NALCN: variants seen among roughly 807,000 people sequenced by gnomAD.
NALCN encodes sodium leak channel, non-selective, also known as sodium leak channel NALCN.
A neutral mutation model predicts 225.3 loss-of-function variants in NALCN; 111 were observed. The observed-to-expected ratio is 0.49, with a 90% CI of 0.42 to 0.58. The LOEUF (loss-of-function observed/expected upper bound fraction) is 0.58, where lower values mean the gene tolerates loss of function less well. Ranked by LOEUF, NALCN falls within the 20% of genes least tolerant of loss-of-function variation. The pLI, the probability that NALCN is intolerant of heterozygous loss-of-function variation, is 0.00. For synonymous variants in NALCN, 764 were observed against 769.0 expected, an observed-to-expected ratio of 0.99 and a Z score of 0.11; for missense variants, 1,378 against 2,202.4, an observed-to-expected ratio of 0.63 and a Z score of 7.49.
Position 101,089,528 on chromosome 13 carries a change from A to G in NALCN, c.3489+135T>C. On this transcript the variant is annotated intron_variant, in intron 30 of 43. Coordinates refer to ENST00000251127, the MANE Select transcript of NALCN (RefSeq NM_052867.4). This position sits in a 1 kb window ranked among gnomAD's most constrained non-coding sequence, Gnocchi z 4.7. ...GCAGCAATGAGGGAGCTTGTAAAAC[A>G]GTTATAGAGATTATTTACACCAGTC... is the stretch of plus-strand genomic sequence containing the variant. The G allele has an allele frequency of 1.4e-6, 1 of 702,600 alleles. No individual in the cohort carries two copies. The highest frequency in any genetic ancestry group is 2.4e-6 in the Non-Finnish European group (1 of 421,506). The allele number at this position is 702,600 out of a possible 1,614,324, so 43.5% of individuals were successfully genotyped here. A position where few individuals can be genotyped will look rare whatever the true frequency, so the allele number is the denominator to read the frequency against.
intron 26 of NALCN, among the ~76,000 whole-genome samples, chr13:101,101,793 G>C (rs1187248173): frequency 6.6e-6 from 1 of 152,092 alleles, no homozygotes; most frequent in African/African-American, 2.4e-5. Flanking sequence ...GCAAAATATG[G>C]AACAAGTGAA....
intron 4 of NALCN, 71 bp from the exon 5 acceptor site, chr13:101,377,127 G>A (rs2046717436): frequency 1.9e-6 from 3 of 1,583,346 alleles, no homozygotes; most frequent in African/African-American, 2.7e-5. Flanking sequence ...GGAACATACA[G>A]ATGTTAGCAG....
intron 15 of NALCN, among the ~76,000 whole-genome samples, chr13:101,154,486 A>T (rs545124012): frequency 6.6e-6 from 1 of 152,330 alleles, no homozygotes; most frequent in East Asian, 1.9e-4. Context: ...AATTAGGCAC[A>T]TCTTCCTCTG....
At chr13:101,328,569 A>G (rs149950513) in intron 7 of NALCN, among the ~76,000 whole-genome samples, 34 of 152,316 alleles carry the variant, frequency 2.2e-4, no homozygotes, top group Non-Finnish European at 4.3e-4. Context: ...TGGAATGAAT[A>G]TAGACATAGG....
chr13:101,071,573 T>G (rs117047998), intron 37 of NALCN, among the ~76,000 whole-genome samples: 2,366 of 152,304 alleles, frequency 0.016, 33 homozygotes, highest in East Asian at 0.065. Flanking sequence ...CTTCATAAAT[T>G]TGAAGAGAGT....
intron 13 of NALCN, among the ~76,000 whole-genome samples, chr13:101,203,614 T>A (rs764062171): frequency 1.2e-4 from 18 of 152,244 alleles, no homozygotes; most frequent in Non-Finnish European, 2.2e-4. Context: ...ATAAACTATT[T>A]TTTAAGGAAT....
At chr13:101,402,882 C>T (rs1416947375) in intron 1 of NALCN, among the ~76,000 whole-genome samples, 4 of 152,162 alleles carry the variant, frequency 2.6e-5, no homozygotes, top group East Asian at 1.9e-4. Context: ...CCATGTGCAG[C>T]GGGAAGGCCC....
rs1594773840 is a variant in NALCN, at chr13:101,389,239, A to G, written c.291+5944T>C. 3.3e-5 allele frequency among the ~76,000 whole-genome samples: 5 copies of G among 152,232 alleles called. No homozygotes were observed. In the South Asian group the frequency reaches 1.0e-3, roughly 32 times the overall value. On this transcript the variant is annotated intron_variant, in intron 3 of 43. Coordinates refer to ENST00000251127, the MANE Select transcript of NALCN (RefSeq NM_052867.4). ...AAACCAGTAGATTTCCAAAACCCCAAAATCACTAATAAATACGTGTGGAAT... is the reference window on the plus strand; with the variant it reads ...AAACCAGTAGATTTCCAAAACCCCAGAATCACTAATAAATACGTGTGGAAT...
At chr13:101,162,274 G>A (rs879903406) in intron 15 of NALCN, among the ~76,000 whole-genome samples, 1 of 152,140 alleles carries the variant, frequency 6.6e-6, no homozygotes, top group African/African-American at 2.4e-5. Context: ...AGACCAGAAG[G>A]CTCCATGGGA....
At chr13:101,339,846 G>A (rs1286152424) in intron 7 of NALCN, among the ~76,000 whole-genome samples, 2 of 152,196 alleles carry the variant, frequency 1.3e-5, no homozygotes, top group Non-Finnish European at 2.9e-5. Context: ...ATTTGTGAGA[G>A]GGGAGGGGAA....
chr13:101,116,018 T>C (rs537635723), intron 18 of NALCN, among the ~76,000 whole-genome samples: 1 of 152,310 alleles, frequency 6.6e-6, no homozygotes, highest in Admixed American at 6.5e-5. Context: ...TGCAGGCATA[T>C]GTAATCCCTT....
At chr13:101,261,759 T>G (rs1395020905) in intron 10 of NALCN, among the ~76,000 whole-genome samples, 1 of 152,148 alleles carries the variant, frequency 6.6e-6, no homozygotes, top group Non-Finnish European at 1.5e-5. Flanking sequence ...AGTCTTTAGG[T>G]TTTTCCAAAT....
At chr13:101,319,173 G>T (rs767222782) in intron 7 of NALCN, among the ~76,000 whole-genome samples, 17 of 152,276 alleles carry the variant, frequency 1.1e-4, no homozygotes, top group Non-Finnish European at 2.2e-4. Context: ...GTCCCCCAAG[G>T]TACAGCCAGA....
chr13:101,369,199 T>TGTGTGTGTGTGTGTA (rs2046469000), intron 6 of NALCN, among the ~76,000 whole-genome samples: 1 of 151,336 alleles, frequency 6.6e-6, no homozygotes. Context: ...TGTGTGTGTG[T>TGTGTGTGTGTGTGTA]ATGCTACTAG....
intron 7 of NALCN, among the ~76,000 whole-genome samples, chr13:101,297,860 A>G (rs1383724046): frequency 3.3e-5 from 5 of 152,234 alleles, no homozygotes; most frequent in Non-Finnish European, 7.3e-5. Context: ...CAAGATCATC[A>G]GTTTCCCTCA....
At chr13:101,228,709 G>A in intron 13 of NALCN, among the ~76,000 whole-genome samples, 1 of 152,108 alleles carries the variant, frequency 6.6e-6, no homozygotes, top group East Asian at 1.9e-4. Context: ...TTTATCATCA[G>A]TGTAAGAATG....
intron 10 of NALCN, among the ~76,000 whole-genome samples, chr13:101,270,917 G>A (rs1371839936): frequency 6.6e-6 from 1 of 152,152 alleles, no homozygotes; most frequent in Admixed American, 6.5e-5. Flanking sequence ...AGGTGACAAT[G>A]CAACAAATCT....
At chr13:101,231,884 G>A (rs370652140) in intron 12 of NALCN, among the ~76,000 whole-genome samples, 10 of 152,098 alleles carry the variant, frequency 6.6e-5, no homozygotes, top group African/African-American at 2.4e-4. Flanking sequence ...TAGTACAAAG[G>A]TGCAAGAAGG....
At chr13:101,116,123 A>G (rs1196615785) in intron 18 of NALCN, among the ~76,000 whole-genome samples, 1 of 152,158 alleles carries the variant, frequency 6.6e-6, no homozygotes, top group African/African-American at 2.4e-5. Context: ...AAGTAAAACA[A>G]GATGAGGACC....
Sources: allele counts gnomAD v4.1 joint callset (sites outside exome capture counted in the v4.1 genomes callset), GRCh38; gene constraint gnomAD v4.1.1; non-coding constraint Gnocchi (gnomAD v3.1); transcripts MANE v1.5; gene names NCBI Gene and HGNC (gene_info 2026-07-23, HGNC 2026-07-21).